Variants in SEMA4D observed in about 807,000 individuals in gnomAD.
SEMA4D encodes semaphorin-4D.
Under a neutral mutation model 74.8 loss-of-function variants are expected in SEMA4D, and 22 were observed. The observed-to-expected ratio is 0.29, with a 90% CI of 0.21 to 0.42. SEMA4D has a LOEUF of 0.42. Among genes scored for constraint, SEMA4D ranks in the 10% least tolerant of loss-of-function variants. SEMA4D has a pLI of 1.00. For missense variants in SEMA4D, 937 were observed against 1,118.4 expected (o/e 0.84, Z 2.31); for synonymous variants, 445 against 463.7 (o/e 0.96, Z 0.52).
intron 2 of SEMA4D, among the ~76,000 whole-genome samples, chr9:89,452,248 G>A (rs1210430226): frequency 4.2e-5 from 6 of 143,896 alleles, no homozygotes; most frequent in Admixed American, 2.9e-4. Flanking sequence ...GCGCAATCTC[G>A]GCTCACTGCA....
intron 6 of SEMA4D, among the ~76,000 whole-genome samples, chr9:89,394,476 C>G (rs1186545624): frequency 6.6e-6 from 1 of 152,208 alleles, no homozygotes; most frequent in East Asian, 1.9e-4. Flanking sequence ...AGAAGAAACC[C>G]ATCTGGACAG....
chr9:89,451,523 ATT>A (rs1854503263), intron 2 of SEMA4D, among the ~76,000 whole-genome samples: 1 of 152,186 alleles, frequency 6.6e-6, no homozygotes, highest in African/African-American at 2.4e-5. Context: ...TGTTTGAAAT[ATT>A]GTGATCTCCC....
In SEMA4D at chr9:89,388,466, T is replaced by C. The variant is rs190428287; in HGVS notation, c.1107+170A>G. On this transcript the variant is annotated intron_variant, in intron 11 of 15. Coordinates refer to ENST00000422704, the MANE Select transcript of SEMA4D (RefSeq NM_001371194.2). ...GTGTAGCAATGGCTGTTACGTAACA[T>C]GCAAAAGGGAAGAAGGATGAGCTGT... 5.8e-3 allele frequency among the ~76,000 whole-genome samples: 886 copies of C among 152,356 alleles called. 31 individuals are homozygous for C. Among genetic ancestry groups the C allele is most frequent in the Admixed American group, 0.052 (796 of 15,312 alleles).
Position 89,393,395 on chromosome 9 carries a change from T to C in SEMA4D, c.508+167A>G, listed in dbSNP as rs535257038. ...GCTATTATCCTTGCAAACAATGAAT[T>C]CAAAAGTTAAAGGGTCTATGCAGTC... On this transcript the variant is annotated intron_variant, in intron 7 of 15. Coordinates refer to ENST00000422704, the MANE Select transcript of SEMA4D (RefSeq NM_001371194.2). Among the ~76,000 whole-genome samples, 3 of 152,308 alleles carry C rather than the reference T, an allele frequency of 2.0e-5. No homozygotes were observed. In the East Asian group the frequency reaches 5.8e-4, roughly 29 times the overall value.
intron 7 of SEMA4D, 99 bp from the exon 8 acceptor site, chr9:89,392,635 C>A: frequency 1.3e-6 from 1 of 758,530 alleles, no homozygotes. Context: ...TCCTTTATAA[C>A]CCAATTAAGT....
At chr9:89,466,878 C>T (rs897929499) in intron 1 of SEMA4D, among the ~76,000 whole-genome samples, 1 of 152,186 alleles carries the variant, frequency 6.6e-6, no homozygotes, top group African/African-American at 2.4e-5. Context: ...CTGCTCCCTC[C>T]CCACAGTGGT....
intron 1 of SEMA4D, among the ~76,000 whole-genome samples, chr9:89,491,671 G>A (rs1564016704): frequency 6.6e-6 from 1 of 152,158 alleles, no homozygotes; most frequent in South Asian, 2.1e-4. Flanking sequence ...GTGCAATGCC[G>A]CTGGTGCGGG....
chr9:89,448,787 G>C (rs1358791692), intron 2 of SEMA4D, among the ~76,000 whole-genome samples: 1 of 152,242 alleles, frequency 6.6e-6, no homozygotes, highest in Non-Finnish European at 1.5e-5. Context: ...AGCCCGGCCA[G>C]ATGTGGAAGT....
intron 2 of SEMA4D, among the ~76,000 whole-genome samples, chr9:89,425,166 T>C (rs533767408): frequency 1.6e-4 from 25 of 152,156 alleles, no homozygotes; most frequent in Non-Finnish European, 3.5e-4. Flanking sequence ...AGAACTGGCC[T>C]GCATCCACCA....
At chr9:89,380,944 G>T (rs1261182454) in intron 15 of SEMA4D, 111 bp downstream of exon 15, 2 of 1,307,728 alleles carry the variant, frequency 1.5e-6, no homozygotes, top group Non-Finnish European at 2.2e-6. Flanking sequence ...TCTGTTCCGA[G>T]TGGAGAAAGA....
chr9:89,379,771 G>T, intron 15 of SEMA4D, 142 bp from the exon 16 acceptor site: 1 of 1,014,314 alleles, frequency 9.9e-7, no homozygotes, highest in Non-Finnish European at 1.4e-6. Context: ...AGGAGATAAA[G>T]ACATGCGTGA....
At chr9:89,368,816 G>A (rs1834093317) in intron 16 of SEMA4D, 1 of 152,224 alleles carries the variant, frequency 6.6e-6, no homozygotes, top group Non-Finnish European at 1.5e-5. Flanking sequence ...TTATCAATGT[G>A]GGCAGGAATC....
At chr9:89,398,575 C>A (rs1410914216) in intron 5 of SEMA4D, among the ~76,000 whole-genome samples, 2 of 152,232 alleles carry the variant, frequency 1.3e-5, no homozygotes, top group Non-Finnish European at 2.9e-5. Context: ...CCCTCACTGG[C>A]AGAGGACAGC....
intron 9 of SEMA4D, among the ~76,000 whole-genome samples, chr9:89,390,614 C>G (rs1261015279): frequency 6.6e-6 from 1 of 152,228 alleles, no homozygotes; most frequent in Non-Finnish European, 1.5e-5. Context: ...GAACTATCTA[C>G]CAATTTCCAT....
At chr9:89,433,031 C>T (rs905179479) in intron 2 of SEMA4D, among the ~76,000 whole-genome samples, 3 of 152,376 alleles carry the variant, frequency 2.0e-5, no homozygotes, top group African/African-American at 7.2e-5. Context: ...AGTGAGAACA[C>T]AAGAGCGTCT....
intron 18 of SEMA4D, among the ~76,000 whole-genome samples, chr9:89,363,270 C>CG (rs200671239): frequency 6.6e-6 from 1 of 152,162 alleles, no homozygotes; most frequent in Non-Finnish European, 1.5e-5. Context: ...TGGGATTTCC[C>CG]CCCCCAGTGT....
intron 1 of SEMA4D, among the ~76,000 whole-genome samples, chr9:89,471,409 T>C (rs1860180026): frequency 6.6e-6 from 1 of 152,216 alleles, no homozygotes; most frequent in South Asian, 2.1e-4. Context: ...TCCACAAGAA[T>C]AGATTTAGAA....
At chr9:89,373,589 A>C (rs986877869), downstream of SEMA4D, among the ~76,000 whole-genome samples, 1 of 152,174 alleles carries the variant, frequency 6.6e-6, no homozygotes, top group African/African-American at 2.4e-5. Context: ...ATGTCCTCTT[A>C]AGTTTCATAT....
chr9:89,384,238 G>A (rs1462626000), intron 13 of SEMA4D, among the ~76,000 whole-genome samples: 2 of 152,214 alleles, frequency 1.3e-5, no homozygotes, highest in East Asian at 1.9e-4. Flanking sequence ...GGGAGCAACC[G>A]TGTCCATCAA....
Sources: allele counts gnomAD v4.1 joint callset (sites outside exome capture counted in the v4.1 genomes callset), GRCh38; gene constraint gnomAD v4.1.1; transcripts MANE v1.5; gene names NCBI Gene and HGNC (gene_info 2026-07-23, HGNC 2026-07-21).